The following MYRFL variants were observed in gnomAD, a reference collection of about 807,000 sequenced individuals.
MYRFL encodes myelin regulatory factor like.
A neutral mutation model predicts 109.4 loss-of-function variants in MYRFL; 88 were observed. That is an observed-to-expected ratio of 0.80 (90% CI 0.68 to 0.96). MYRFL has a LOEUF of 0.96. Among genes scored for constraint, MYRFL ranks in the 40% least tolerant of loss-of-function variants. The pLI is 0.00. For missense variants in MYRFL, 957 were observed against 954.9 expected, an observed-to-expected ratio of 1.00 and a Z score of -0.03; for synonymous variants, 324 against 320.9, an observed-to-expected ratio of 1.01 and a Z score of -0.10.
chr12:69,856,978 C>T (rs766468235), intron 2 of MYRFL, among the ~76,000 whole-genome samples: 2 of 151,744 alleles, frequency 1.3e-5, no homozygotes, highest in Non-Finnish European at 3.0e-5. Flanking sequence ...ATCCAAGTTC[C>T]CAAAGATTTT....
intron 10 of MYRFL, among the ~76,000 whole-genome samples, chr12:69,899,464 T>TGTGGCCTCTTAGGCC (rs1954114448): frequency 6.6e-6 from 1 of 152,276 alleles, no homozygotes; most frequent in Admixed American, 6.5e-5. Context: ...AAGAGCCAGA[T>TGTGGCCTCTTAGGCC]GTGGCCTCTT....
chr12:69,924,428 A>G (rs1027093581), intron 13 of MYRFL, among the ~76,000 whole-genome samples: 10 of 152,140 alleles, frequency 6.6e-5, no homozygotes, highest in Admixed American at 1.3e-4. Context: ...CCATAACAGT[A>G]TATAGAGATA....
chr12:69,958,240 A>T lies in MYRFL; in HGVS notation c.2572-9A>T. The T allele has an allele frequency of 6.5e-7, 1 of 1,530,652 alleles. No homozygotes were observed. The highest frequency in any genetic ancestry group is 8.7e-7 in the Non-Finnish European group (1 of 1,143,620). The allele number at this position is 1,530,652 out of a possible 1,614,324, so 94.8% of individuals were successfully genotyped here. ...GTACGAAATGGATCCTCTTTTATTC[A>T]CTATTTAGGGATATCAGCACATTTG... On this transcript the variant is annotated splice_polypyrimidine_tract_variant and intron_variant, in intron 23 of 24. Coordinates refer to ENST00000552032, the MANE Select transcript of MYRFL (RefSeq NM_182530.3).
intron 20 of MYRFL, 101 bp downstream of exon 20, chr12:69,952,276 T>C: frequency 9.5e-7 from 1 of 1,049,406 alleles, no homozygotes; most frequent in Non-Finnish European, 1.4e-6. Flanking sequence ...GGACAAAGGC[T>C]GCAGCCTGCC....
At chr12:69,827,241 A>C (rs1010266534) in intron 1 of MYRFL, among the ~76,000 whole-genome samples, 11 of 152,120 alleles carry the variant, frequency 7.2e-5, no homozygotes, top group African/African-American at 2.7e-4. Flanking sequence ...TCATTCTAAG[A>C]AACTAAGCCC....
chr12:69,869,131 G>A (rs910737206), intron 2 of MYRFL, among the ~76,000 whole-genome samples: 6 of 152,232 alleles, frequency 3.9e-5, no homozygotes, highest in Admixed American at 2.6e-4. Flanking sequence ...TATAGTTGGA[G>A]GATGGGGTAA....
At chr12:69,958,149 TCTC>T (rs1204713158) in intron 23 of MYRFL, 97 bp from the exon 24 acceptor site, 52 of 1,203,914 alleles carry the variant, frequency 4.3e-5, no homozygotes, top group South Asian at 1.1e-4. Flanking sequence ...TCCCAATACT[TCTC>T]CTACAGTCAT....
intron 1 of MYRFL, among the ~76,000 whole-genome samples, chr12:69,843,828 T>C (rs544586600): frequency 6.6e-6 from 1 of 152,312 alleles, no homozygotes; most frequent in African/African-American, 2.4e-5. Context: ...CAGGGACAGC[T>C]TCTCTGACAC....
intron 22 of MYRFL, among the ~76,000 whole-genome samples, chr12:69,956,482 C>T (rs1264328555): frequency 6.6e-6 from 1 of 152,200 alleles, no homozygotes; most frequent in Non-Finnish European, 1.5e-5. Flanking sequence ...CAATGAGCTA[C>T]TTTCCATGAA....
At chr12:69,923,854 A>G (rs1954986818) in intron 13 of MYRFL, among the ~76,000 whole-genome samples, 1 of 152,094 alleles carries the variant, frequency 6.6e-6, no homozygotes, top group African/African-American at 2.4e-5. Flanking sequence ...TTTCTAGGGG[A>G]TGTTTTTAAA....
At chr12:69,940,830 T>C (rs1236353331) in intron 19 of MYRFL, among the ~76,000 whole-genome samples, 1 of 123,746 alleles carries the variant, frequency 8.1e-6, no homozygotes, top group Admixed American at 8.8e-5. Context: ...AATAAAAGGA[T>C]GGAGGAAGAT....
intron 16 of MYRFL, 135 bp from the exon 17 acceptor site, chr12:69,935,978 C>T (rs560372609): frequency 2.8e-5 from 29 of 1,035,578 alleles, no homozygotes; most frequent in Admixed American, 5.9e-5. Flanking sequence ...TCAGCCGTGG[C>T]CATCCCCTCC....
At chr12:69,862,130 C>G (rs1444460803) in intron 2 of MYRFL, among the ~76,000 whole-genome samples, 1 of 151,018 alleles carries the variant, frequency 6.6e-6, no homozygotes, top group East Asian at 1.9e-4. Flanking sequence ...GTACCAGTAC[C>G]ATGCTGTTTT....
At chr12:69,851,455 C>A (rs1035659361) in intron 1 of MYRFL, among the ~76,000 whole-genome samples, 31 of 152,068 alleles carry the variant, frequency 2.0e-4, no homozygotes, top group South Asian at 8.3e-4. Context: ...TCAAAACATG[C>A]TAAAACTATT....
chr12:69,891,801 T>C (rs1016271495), intron 7 of MYRFL, among the ~76,000 whole-genome samples: 2 of 151,584 alleles, frequency 1.3e-5, no homozygotes, highest in African/African-American at 4.9e-5. Context: ...CAGGCTCAAG[T>C]GGGAGCCTCC....
chr12:69,935,686 G>A (rs1344929022), intron 16 of MYRFL, among the ~76,000 whole-genome samples: 28 of 152,220 alleles, frequency 1.8e-4, no homozygotes, highest in Admixed American at 1.8e-3. Flanking sequence ...GACTAGACCT[G>A]TGCCGCCTTC....
intron 2 of MYRFL, among the ~76,000 whole-genome samples, chr12:69,864,593 C>A (rs1025738919): frequency 2.7e-5 from 4 of 150,858 alleles, no homozygotes; most frequent in African/African-American, 9.7e-5. Flanking sequence ...TCCTTGGCAA[C>A]AAACTGTGGG....
chr12:69,894,206 C>T (rs1420346615), intron 8 of MYRFL, among the ~76,000 whole-genome samples: 1 of 151,898 alleles, frequency 6.6e-6, no homozygotes, highest in South Asian at 2.1e-4. Flanking sequence ...TCGTGTTGGC[C>T]AGGCTGGTCT....
At chr12:69,888,437 G>A (rs956793933) in intron 6 of MYRFL, among the ~76,000 whole-genome samples, 4 of 152,100 alleles carry the variant, frequency 2.6e-5, no homozygotes, top group Non-Finnish European at 5.9e-5. Flanking sequence ...TTCAGTTAGG[G>A]CATTAAAATT....
Sources: gnomAD v4.1 joint callset for allele counts (sites outside exome capture counted in the v4.1 genomes callset) on GRCh38, gnomAD v4.1.1 for gene constraint, MANE v1.5 for transcripts, NCBI Gene and HGNC (gene_info 2026-07-23, HGNC 2026-07-21) for gene names.